The following RBFOX1 variants were observed in gnomAD, a reference collection of about 807,000 sequenced individuals.
RBFOX1 encodes RNA binding protein fox-1 homolog 1.
In RBFOX1, 8 loss-of-function variants were observed where a neutral mutation model predicts 57.7. The observed-to-expected ratio is 0.14, with a 90% CI of 0.08 to 0.25. The LOEUF is 0.25. Among genes scored for constraint, RBFOX1 ranks in the 10% least tolerant of loss-of-function variants. RBFOX1 has a pLI of 1.00. For synonymous variants in RBFOX1, 326 were observed against 222.4 expected (o/e 1.47, Z -4.15); for missense variants, 611 against 548.5 (o/e 1.11, Z -1.14).
intron 1 of RBFOX1, among the ~76,000 whole-genome samples, chr16:5,442,958 C>T (rs1244276353): frequency 6.6e-6 from 1 of 152,100 alleles, no homozygotes; most frequent in African/African-American, 2.4e-5. Context: ...GACACAGACA[C>T]AGGGGGACAA....
At chr16:7,341,219 A>T (rs563252841) in intron 4 of RBFOX1, among the ~76,000 whole-genome samples, 2 of 152,286 alleles carry the variant, frequency 1.3e-5, no homozygotes, top group East Asian at 3.9e-4. Flanking sequence ...GCCCTAAGAG[A>T]TGCCCAGAAA....
intron 2 of RBFOX1, among the ~76,000 whole-genome samples, chr16:5,547,079 A>T (rs56854209): frequency 6.6e-6 from 1 of 152,218 alleles, no homozygotes; most frequent in Non-Finnish European, 1.5e-5. Context: ...AGGATGACTG[A>T]AAGTAGAAAG....
intron 1 of RBFOX1, among the ~76,000 whole-genome samples, chr16:6,165,986 T>C (rs1379259570): frequency 6.6e-6 from 1 of 152,230 alleles, no homozygotes; most frequent in Non-Finnish European, 1.5e-5. Flanking sequence ...TAATGTTTCT[T>C]CTGTGAGGTG....
intron 3 of RBFOX1, among the ~76,000 whole-genome samples, chr16:6,762,765 G>C (rs867562965): frequency 5.3e-5 from 8 of 151,238 alleles, no homozygotes; most frequent in Non-Finnish European, 7.4e-5. Flanking sequence ...ACCCCAAGGG[G>C]ATAGGGGGTA....
At chr16:5,912,195 A>C (rs1356059203) in intron 4 of RBFOX1, among the ~76,000 whole-genome samples, 1 of 152,108 alleles carries the variant, frequency 6.6e-6, no homozygotes, top group East Asian at 1.9e-4. Context: ...TCTGAGCCTC[A>C]GTTTTTTCAT....
At chr16:5,577,539 C>T (rs2046505774) in intron 2 of RBFOX1, among the ~76,000 whole-genome samples, 1 of 152,186 alleles carries the variant, frequency 6.6e-6, no homozygotes, top group Non-Finnish European at 1.5e-5. Context: ...ATGTAGTCCC[C>T]AGCACGGGGC....
At position 7,438,658 on chromosome 16, in the gene RBFOX1, A is replaced by T. The variant is rs182624657; in HGVS notation, c.28-79489A>T. 2.9e-3 allele frequency among the ~76,000 whole-genome samples: 446 copies of T among 152,330 alleles called. 3 individuals carry two copies. Among genetic ancestry groups the T allele is most frequent in the African/African-American group, 0.01 (429 of 41,578 alleles). On this transcript the variant is annotated intron_variant, in intron 4 of 15. Coordinates refer to ENST00000550418, the MANE Select transcript of RBFOX1 (RefSeq NM_018723.4). ...TAATGCATTCTCTTACTGAATTTTA[A>T]ACCAGCCCATTAAAACTCCTTTAAC...
intron 2 of RBFOX1, among the ~76,000 whole-genome samples, chr16:6,626,873 T>C (rs1431746461): frequency 1.3e-5 from 2 of 152,232 alleles, no homozygotes; most frequent in Admixed American, 1.3e-4. Context: ...ACTTTAGTCA[T>C]AGTTATTTTG....
In RBFOX1 at chr16:7,410,625, C is replaced by T. The variant is rs183039337; in HGVS notation, c.28-107522C>T. On this transcript the variant is annotated intron_variant, in intron 4 of 15. Coordinates refer to ENST00000550418, the MANE Select transcript of RBFOX1 (RefSeq NM_018723.4). ...CCAGAAGGCAGAGGTTGCAGTGAGCCAAGATTGTGCCATTGCACTCCAGCC... is the reference window on the plus strand; with the variant it reads ...CCAGAAGGCAGAGGTTGCAGTGAGCTAAGATTGTGCCATTGCACTCCAGCC... Among the ~76,000 whole-genome samples, 873 of 152,240 alleles carry T rather than the reference C, an allele frequency of 5.7e-3. 6 individuals carry two copies. Among genetic ancestry groups the T allele is most frequent in the African/African-American group, 0.02 (841 of 41,550 alleles).
Position 7,221,042 on chromosome 16 carries a change from C to G in RBFOX1, c.27+168944C>G, listed in dbSNP as rs561031314. Among the ~76,000 whole-genome samples the G allele has an allele frequency of 9.2e-5, 14 of 152,240 alleles. 1 individual carries two copies. In the East Asian group the frequency reaches 2.7e-3, roughly 29 times the overall value. On this transcript the variant is annotated intron_variant, in intron 4 of 15. Coordinates refer to ENST00000550418, the MANE Select transcript of RBFOX1 (RefSeq NM_018723.4). ...TTAGTTTATCAGATGTACTGTCTAA[C>G]TAGTAGAGGTGTGTTCGCTGTCTTC...
intron 4 of RBFOX1, among the ~76,000 whole-genome samples, chr16:7,226,467 A>G (rs768108036): frequency 1.3e-5 from 2 of 152,202 alleles, no homozygotes; most frequent in African/African-American, 4.8e-5. Flanking sequence ...TGCAGCCTGC[A>G]TTGACTCTCC....
intron 4 of RBFOX1, among the ~76,000 whole-genome samples, chr16:7,255,410 G>T (rs186628326): frequency 5.9e-5 from 9 of 152,084 alleles, no homozygotes; most frequent in African/African-American, 2.2e-4. Flanking sequence ...ATAGGGGATT[G>T]GTTTAATAAC....
At chr16:5,944,479 C>G (rs2059351009) in intron 4 of RBFOX1, among the ~76,000 whole-genome samples, 1 of 152,120 alleles carries the variant, frequency 6.6e-6, no homozygotes, top group South Asian at 2.1e-4. Flanking sequence ...TGGCCTTTAG[C>G]TGCACTTCTC....
intron 1 of RBFOX1, among the ~76,000 whole-genome samples, chr16:6,204,688 C>G (rs2097241663): frequency 6.6e-6 from 1 of 152,034 alleles, no homozygotes; most frequent in African/African-American, 2.4e-5. Context: ...AAAAGCTGAT[C>G]AAATTGAGAT....
intron 14 of RBFOX1, among the ~76,000 whole-genome samples, chr16:7,686,726 T>G (rs1193292545): frequency 6.6e-6 from 1 of 152,144 alleles, no homozygotes; most frequent in African/African-American, 2.4e-5. Context: ...TGAAATGAAT[T>G]TTCTATTGGA....
intron 4 of RBFOX1, among the ~76,000 whole-genome samples, chr16:7,431,453 C>G (rs971490184): frequency 2.0e-5 from 3 of 151,676 alleles, no homozygotes; most frequent in African/African-American, 4.8e-5. Flanking sequence ...GTTGCCCAGA[C>G]TGGTCTCAAG....
intron 4 of RBFOX1, among the ~76,000 whole-genome samples, chr16:7,172,413 T>C (rs909168155): frequency 3.3e-5 from 5 of 152,176 alleles, no homozygotes; most frequent in African/African-American, 1.2e-4. Context: ...CACATTGTTA[T>C]TCCCACCATG....
intron 2 of RBFOX1, among the ~76,000 whole-genome samples, chr16:6,421,239 G>C (rs560684240): frequency 6.6e-6 from 1 of 152,270 alleles, no homozygotes; most frequent in Non-Finnish European, 1.5e-5. Flanking sequence ...GGGACAGAGG[G>C]CAGCCCGCAT....
intron 3 of RBFOX1, among the ~76,000 whole-genome samples, chr16:5,687,235 G>A (rs1048024821): frequency 6.6e-6 from 1 of 152,144 alleles, no homozygotes; most frequent in Admixed American, 6.5e-5. Context: ...AATAGGAGTG[G>A]AACAGTAGGA....
Sources: allele counts gnomAD v4.1 joint callset (sites outside exome capture counted in the v4.1 genomes callset), GRCh38; gene constraint gnomAD v4.1.1; transcripts MANE v1.5; gene names NCBI Gene and HGNC (gene_info 2026-07-23, HGNC 2026-07-21).